The following PHAX variants were observed in gnomAD, a reference collection of about 807,000 sequenced individuals.
PHAX encodes phosphorylated adapter RNA export protein.
A neutral mutation model predicts 41.6 loss-of-function variants in PHAX; 31 were observed. That is an observed-to-expected ratio of 0.75 (90% CI 0.56 to 1.01). The LOEUF is 1.01. Among genes scored for constraint, PHAX ranks in the 50% least tolerant of loss-of-function variants. PHAX has a pLI of 0.00. For missense variants in PHAX, 453 were observed against 472.9 expected (o/e 0.96, Z 0.39); for synonymous variants, 175 against 164.9 (o/e 1.06, Z -0.47).
chr5:126,625,580 G>C lies in PHAX; in HGVS notation c.*736G>C, dbSNP rs909768367. On this transcript the variant is annotated 3_prime_UTR_variant, in exon 5 of 5. Coordinates refer to ENST00000297540, the MANE Select transcript of PHAX (RefSeq NM_032177.4). The stretch of plus-strand genomic sequence containing the variant: ...CCACTGTACTCCAGCCTGGGCGACA[G>C]AGCAAGACTCTGTCTCAAAAAAAAA... 6.9e-6 allele frequency: 1 copy of C among 145,182 alleles called. No individual in the cohort carries two copies. Among genetic ancestry groups the C allele is most frequent in the Non-Finnish European group, 1.5e-5 (1 of 67,320 alleles). The allele number at this position is 145,182 out of a possible 1,614,324, so 9.0% of individuals were successfully genotyped here. A position where few individuals can be genotyped will look rare whatever the true frequency, so the allele number is the denominator to read the frequency against.
At chr5:126,612,203 TGC>T (rs1477756210) in intron 3 of PHAX, among the ~76,000 whole-genome samples, 1 of 152,176 alleles carries the variant, frequency 6.6e-6, no homozygotes, top group African/African-American at 2.4e-5. Context: ...TTGGCAAGAC[TGC>T]TCTCTCCACC....
At chr5:126,608,215 T>C in intron 2 of PHAX, 149 bp from the exon 3 acceptor site, 1 of 835,920 alleles carries the variant, frequency 1.2e-6, no homozygotes, top group Non-Finnish European at 1.8e-6. Context: ...TAGGAATATT[T>C]ACATGTCAGT....
intron 4 of PHAX, among the ~76,000 whole-genome samples, chr5:126,621,178 C>T (rs1178608301): frequency 1.3e-5 from 2 of 152,118 alleles, no homozygotes; most frequent in South Asian, 2.1e-4. Flanking sequence ...GTGTGAGCCA[C>T]TGTACCTGGC....
intron 1 of PHAX, among the ~76,000 whole-genome samples, chr5:126,601,894 T>G (rs1246362404): frequency 6.6e-6 from 1 of 152,052 alleles, no homozygotes; most frequent in Non-Finnish European, 1.5e-5. Flanking sequence ...CTCGAACTCC[T>G]GACCTCAAGT....
intron 2 of PHAX, among the ~76,000 whole-genome samples, chr5:126,607,168 C>T (rs1029877392): frequency 3.7e-4 from 57 of 152,032 alleles, no homozygotes; most frequent in African/African-American, 1.3e-3. Context: ...TCCAGGCAAG[C>T]CTATCTGAAC....
In PHAX at chr5:126,608,500, T is replaced by G; in HGVS notation, c.831+16T>G. The G allele has an allele frequency of 6.3e-7, 1 of 1,590,310 alleles. No individual in the cohort carries two copies. The highest frequency in any genetic ancestry group is 8.6e-7 in the Non-Finnish European group (1 of 1,169,130). On this transcript the variant is annotated intron_variant, in intron 3 of 4. Coordinates refer to ENST00000297540, the MANE Select transcript of PHAX (RefSeq NM_032177.4). The stretch of plus-strand genomic sequence containing the variant: ...CTTTATAATGGTAAGACTGCTTAAC[T>G]GTTTTTGTTTTTGTATTGTTTATCC...
intron 4 of PHAX, among the ~76,000 whole-genome samples, chr5:126,623,434 C>T (rs567303095): frequency 5.9e-5 from 9 of 152,186 alleles, no homozygotes; most frequent in East Asian, 3.9e-4. Flanking sequence ...TTTGTGAGGA[C>T]GAAATGAGTT....
rs911694416 is a variant in PHAX at position 126,617,240 on chromosome 5, C to A, written c.832-10C>A. On this transcript the variant is annotated splice_polypyrimidine_tract_variant and intron_variant, in intron 3 of 4. Transcript: ENST00000297540. ...TATATGCAGTTTACCTTTTCTGTTC[C>A]TTTTTGTAGAATGGTAGTCGAAGAA... 3.1e-6 allele frequency: 5 copies of A among 1,592,530 alleles called. No individual in the cohort carries two copies. In the African/African-American group the frequency reaches 6.7e-5, roughly 21 times the overall value.
intron 4 of PHAX, 123 bp from the exon 5 acceptor site, chr5:126,624,452 T>G: frequency 1.3e-6 from 1 of 777,682 alleles, no homozygotes; most frequent in Non-Finnish European, 2.1e-6. Flanking sequence ...ATCTTAATAA[T>G]GAGCCTAATA....
intron 2 of PHAX, among the ~76,000 whole-genome samples, chr5:126,605,376 C>T (rs781712203): frequency 1.3e-5 from 2 of 151,852 alleles, no homozygotes; most frequent in Non-Finnish European, 2.9e-5. Context: ...TATATGAATA[C>T]ATTCGTAATG....
intron 4 of PHAX, among the ~76,000 whole-genome samples, chr5:126,619,893 G>A (rs1248863685): frequency 6.6e-6 from 1 of 152,198 alleles, no homozygotes; most frequent in African/African-American, 2.4e-5. Context: ...ATAGGAAAGA[G>A]GTGGTGCACA....
chr5:126,626,627 C>G lies in PHAX; in HGVS notation c.*1783C>G, dbSNP rs1752357909. 6.6e-6 allele frequency: 1 copy of G among 151,318 alleles called. No homozygotes were observed. Among genetic ancestry groups the G allele is most frequent in the South Asian group, 2.1e-4 (1 of 4,814 alleles). The allele number at this position is 151,318 out of a possible 1,614,324, so 9.4% of individuals were successfully genotyped here. Reference sequence around the variant, plus strand: ...TGGCGCATGCCTGTAGTCCCAACTACTAGGGAGGCTGAGGCAGGAGAATCA... The same window carrying G: ...TGGCGCATGCCTGTAGTCCCAACTAGTAGGGAGGCTGAGGCAGGAGAATCA... On this transcript the variant is annotated 3_prime_UTR_variant, in exon 5 of 5. Transcript: ENST00000297540.
chr5:126,618,430 A>G (rs561280927), intron 4 of PHAX, among the ~76,000 whole-genome samples: 104 of 152,108 alleles, frequency 6.8e-4, no homozygotes, highest in Non-Finnish European at 1.2e-3. Context: ...ACAATACCCT[A>G]CATAACCACA....
chr5:126,614,788 GCT>G (rs1561681531), intron 3 of PHAX, among the ~76,000 whole-genome samples: 1 of 151,820 alleles, frequency 6.6e-6, no homozygotes. Context: ...ATGGAGTCTC[GCT>G]CTGTCACCCA....
intron 4 of PHAX, among the ~76,000 whole-genome samples, chr5:126,617,762 G>A (rs1424635563): frequency 3.9e-5 from 6 of 152,180 alleles, no homozygotes; most frequent in Admixed American, 3.9e-4. Context: ...TTACAGGCGT[G>A]AGCCAGTGCT....
intron 3 of PHAX, among the ~76,000 whole-genome samples, chr5:126,612,313 G>A (rs1317146314): frequency 6.6e-6 from 1 of 152,092 alleles, no homozygotes; most frequent in Non-Finnish European, 1.5e-5. Flanking sequence ...GAGATAATTG[G>A]GCCAGGTCTA....
At chr5:126,621,028 G>C (rs117336515) in intron 4 of PHAX, among the ~76,000 whole-genome samples, 1 of 151,796 alleles carries the variant, frequency 6.6e-6, no homozygotes, top group Non-Finnish European at 1.5e-5. Flanking sequence ...GAGCCACTGC[G>C]CCTGGCCAAA....
chr5:126,620,827 T>A (rs1752258146), intron 4 of PHAX, among the ~76,000 whole-genome samples: 1 of 151,192 alleles, frequency 6.6e-6, no homozygotes, highest in Non-Finnish European at 1.5e-5. Context: ...ATCCTCCGCC[T>A]CCCAGCTTCA....
intron 4 of PHAX, among the ~76,000 whole-genome samples, chr5:126,620,778 C>T (rs1752256679): frequency 6.6e-6 from 1 of 152,064 alleles, no homozygotes; most frequent in Non-Finnish European, 1.5e-5. Context: ...CTCACTCTGT[C>T]CCCTAGGCTG....
Sources: allele counts gnomAD v4.1 joint callset (sites outside exome capture counted in the v4.1 genomes callset), GRCh38; gene constraint gnomAD v4.1.1; transcripts MANE v1.5; gene names NCBI Gene and HGNC (gene_info 2026-07-23, HGNC 2026-07-21).